Variants in RB1 observed in about 807,000 individuals in gnomAD.
The protein encoded by RB1 is retinoblastoma-associated protein.
A neutral mutation model predicts 135.4 loss-of-function variants in RB1; 18 were observed. That is an observed-to-expected ratio of 0.13 (90% CI 0.09 to 0.20). RB1 has a LOEUF of 0.20. Among genes scored for constraint, RB1 ranks in the 10% least tolerant of loss-of-function variants. RB1 has a pLI of 1.00. For synonymous variants in RB1, 365 were observed against 373.2 expected (o/e 0.98, Z 0.25); for missense variants, 868 against 1,110.0 (o/e 0.78, Z 3.10).
Position 48,480,401 on chromosome 13 carries a change from T to C in RB1, c.*330T>C. 5.7e-6 allele frequency: 2 copies of C among 349,620 alleles called. No homozygotes were observed. Among genetic ancestry groups the C allele is most frequent in the South Asian group, 9.4e-5 (2 of 21,366 alleles). 21.7% of individuals were successfully genotyped at this position (349,620 alleles called of 1,614,324 possible). ...AGTGGGAGTCCTGATAACCCAGGCCTGTCTGACTACTTTGCCTTCTTTTGT... is the reference window on the plus strand; with the variant it reads ...AGTGGGAGTCCTGATAACCCAGGCCCGTCTGACTACTTTGCCTTCTTTTGT... On this transcript the variant is annotated 3_prime_UTR_variant, in exon 27 of 27. Coordinates refer to ENST00000267163, the MANE Select transcript of RB1 (RefSeq NM_000321.3).
intron 17 of RB1, chr13:48,416,302 C>T (rs1948908658): frequency 1.3e-5 from 2 of 152,266 alleles, no homozygotes; most frequent in Admixed American, 1.3e-4. Flanking sequence ...CAGGGTGGGG[C>T]ATCGCCTTAC....
intron 6 of RB1, among the ~76,000 whole-genome samples, chr13:48,357,336 T>G (rs962790977): frequency 6.6e-6 from 1 of 152,084 alleles, no homozygotes; most frequent in Non-Finnish European, 1.5e-5. Flanking sequence ...ATTTTTTCCA[T>G]TTTGAGCTAA....
Position 48,303,834 on chromosome 13 carries a change from G to A in RB1, c.-79G>A, listed in dbSNP as rs974682571. 77 of 1,490,654 alleles carry A rather than the reference G, an allele frequency of 5.2e-5. No homozygotes were observed. Among genetic ancestry groups the A allele is most frequent in the Admixed American group, 1.3e-4 (6 of 45,542 alleles). The allele number at this position is 1,490,654 out of a possible 1,614,324, so 92.3% of individuals were successfully genotyped here. Reference sequence around the variant, plus strand: ...TGTAACGGGAGTCGGGAGAGGACGGGGCGTGCCCCGACGTGCGCGCGCGTC... The same window carrying A: ...TGTAACGGGAGTCGGGAGAGGACGGAGCGTGCCCCGACGTGCGCGCGCGTC... On this transcript the variant is annotated 5_prime_UTR_variant, in exon 1 of 27. Transcript: ENST00000267163.
chr13:48,464,177 T>C (rs1457651263), intron 21 of RB1, among the ~76,000 whole-genome samples: 1 of 152,184 alleles, frequency 6.6e-6, no homozygotes, highest in Non-Finnish European at 1.5e-5. Context: ...GAAAAGCCAG[T>C]ATAAATGCAG....
chr13:48,348,760 A>G (rs1238817846), intron 5 of RB1, among the ~76,000 whole-genome samples, 196 bp from the exon 6 acceptor site: 3 of 151,486 alleles, frequency 2.0e-5, no homozygotes, highest in Non-Finnish European at 4.4e-5. Flanking sequence ...ATTATAAGAC[A>G]TAGAAACATT....
chr13:48,450,430 A>G (rs1027512344), intron 17 of RB1, among the ~76,000 whole-genome samples: 17 of 152,102 alleles, frequency 1.1e-4, no homozygotes, highest in Non-Finnish European at 4.4e-5. Context: ...TGCTTTCTCC[A>G]TTGCTTGTTT....
In RB1 at chr13:48,459,719, A is replaced by G. The variant is rs755417160; in HGVS notation, c.1992A>G (p.Thr664=). The change falls in exon 20 of 27, where the codon ACA becomes ACG. Residue 664 remains threonine, a synonymous_variant. Coordinates refer to ENST00000267163, the MANE Select transcript of RB1 (RefSeq NM_000321.3). ...GGCTAGCCTATCTCCGGCTAAATAC[A>G]CTTTGTGAACGCCTTCTGTCTGAGC... ...VYRLAYLRLN[T]LCERLLSEHP... 2.6e-5 allele frequency: 42 copies of G among 1,614,028 alleles called. No homozygotes were observed. The highest frequency in any genetic ancestry group is 3.4e-5 in the Non-Finnish European group (40 of 1,180,006).
At chr13:48,473,951 T>G (rs1485790933) in intron 24 of RB1, among the ~76,000 whole-genome samples, 1 of 152,120 alleles carries the variant, frequency 6.6e-6, no homozygotes, top group East Asian at 1.9e-4. Flanking sequence ...TACAGTTTGA[T>G]CCACTGCCAG....
chr13:48,327,679 G>A (rs1344862177), intron 2 of RB1, among the ~76,000 whole-genome samples: 6 of 152,114 alleles, frequency 3.9e-5, no homozygotes, highest in Admixed American at 3.9e-4. Flanking sequence ...GGCTATTCCT[G>A]GGAGCCAGAC....
chr13:48,338,516 G>C (rs1005184606), intron 2 of RB1, among the ~76,000 whole-genome samples: 1 of 152,182 alleles, frequency 6.6e-6, no homozygotes, highest in African/African-American at 2.4e-5. Context: ...TCGTGCCATG[G>C]TTTTCAGCTC....
chr13:48,472,504 AT>A (rs1450941509), intron 23 of RB1, among the ~76,000 whole-genome samples: 2 of 152,274 alleles, frequency 1.3e-5, no homozygotes, highest in Admixed American at 1.3e-4. Context: ...ATGAAAATGT[AT>A]ACTTAGGTAG....
intron 17 of RB1, among the ~76,000 whole-genome samples, chr13:48,442,896 C>A (rs1949251885): frequency 6.6e-6 from 1 of 151,800 alleles, no homozygotes; most frequent in South Asian, 2.1e-4. Flanking sequence ...AAAAAAATAC[C>A]CAACACCACA....
chr13:48,318,517 C>T (rs370810284), intron 2 of RB1: 4 of 1,002,446 alleles, frequency 4.0e-6, no homozygotes, highest in South Asian at 1.6e-5. Flanking sequence ...CGAGTGTCGC[C>T]GGGCCCCTTG....
chr13:48,411,716 G>T lies in RB1; in HGVS notation c.1695+30273G>T. On this transcript the variant is annotated intron_variant, in intron 17 of 26. Coordinates refer to ENST00000267163, the MANE Select transcript of RB1 (RefSeq NM_000321.3). ...AAGGAACAAAACAGAAACAGAATATGATCAAATGTACAAAAATCATTTTTA... is the reference window on the plus strand; with the variant it reads ...AAGGAACAAAACAGAAACAGAATATTATCAAATGTACAAAAATCATTTTTA... The T allele has an allele frequency of 1.9e-6, 3 of 1,604,456 alleles. No individual in the cohort carries two copies. In the South Asian group the frequency reaches 3.3e-5, roughly 18 times the overall value.
chr13:48,464,926 A>C, intron 21 of RB1, 72 bp from the exon 22 acceptor site: 4 of 1,461,356 alleles, frequency 2.7e-6, no homozygotes, highest in Non-Finnish European at 3.6e-6. Flanking sequence ...TAAAGGTAGA[A>C]ATTTTAAAAT....
chr13:48,380,383 A>G (rs1948524548), intron 16 of RB1, 142 bp downstream of exon 16: 2 of 640,812 alleles, frequency 3.1e-6, no homozygotes, highest in Non-Finnish European at 5.3e-6. Context: ...GAAGAATGTA[A>G]TTGGTCATTA....
At chr13:48,403,441 T>C (rs1948711635) in intron 17 of RB1, among the ~76,000 whole-genome samples, 1 of 151,900 alleles carries the variant, frequency 6.6e-6, no homozygotes, top group Non-Finnish European at 1.5e-5. Context: ...ATTTTTTTAG[T>C]ATAAAAAATA....
At chr13:48,346,775 A>G (rs1172655863) in intron 4 of RB1, among the ~76,000 whole-genome samples, 3 of 152,110 alleles carry the variant, frequency 2.0e-5, no homozygotes, top group East Asian at 3.8e-4. Context: ...CCACTAACGC[A>G]TAGAATGAAA....
chr13:48,478,247 T>C (rs539633499), intron 26 of RB1, among the ~76,000 whole-genome samples: 1 of 152,348 alleles, frequency 6.6e-6, no homozygotes, highest in African/African-American at 2.4e-5. Flanking sequence ...TAATACATCT[T>C]TGTAGATACT....
Sources: allele counts gnomAD v4.1 joint callset (sites outside exome capture counted in the v4.1 genomes callset), GRCh38; gene constraint gnomAD v4.1.1; transcripts MANE v1.5; gene names NCBI Gene and HGNC (gene_info 2026-07-23, HGNC 2026-07-21).